The following GRB14 variants were observed in gnomAD, a reference collection of about 807,000 sequenced individuals.
The protein encoded by GRB14 is growth factor receptor-bound protein 14.
GRB14 carries 38 observed loss-of-function variants against 69.1 expected under a neutral mutation model. That is an observed-to-expected ratio of 0.55 (90% CI 0.42 to 0.72). GRB14 has a LOEUF of 0.72. GRB14 is among the 30% of genes least tolerant of loss of function. GRB14 has a pLI of 0.00. For synonymous variants in GRB14, 247 were observed against 241.3 expected (o/e 1.02, Z -0.22); for missense variants, 666 against 666.1 (o/e 1.00, Z 0.00).
chr2:164,559,669 T>G (rs1688771811), intron 2 of GRB14, among the ~76,000 whole-genome samples: 1 of 152,170 alleles, frequency 6.6e-6, no homozygotes, highest in Non-Finnish European at 1.5e-5. Flanking sequence ...ATATACCAGT[T>G]TGTTTACCCA....
chr2:164,527,088 A>G lies in GRB14; in HGVS notation c.529T>C (p.Trp177Arg). The G allele has an allele frequency of 6.3e-7, 1 of 1,579,426 alleles. No individual in the cohort carries two copies. The highest frequency in any genetic ancestry group is 8.7e-7 in the Non-Finnish European group (1 of 1,152,626). Residue 177 changes from tryptophan to arginine, a missense_variant, in exon 4 of 14, where the codon TGG becomes CGG. Coordinates refer to ENST00000263915, the MANE Select transcript of GRB14 (RefSeq NM_004490.3). Reference protein sequence around the residue: ...HELVIEVLSNWGIEEENKLYF... With the variant: ...HELVIEVLSNRGIEEENKLYF... ...AGTTTGTTTTCTTCTTCTATCCCCC[A>G]GTTGGATAGCACTTCAATCACCAGT...
At chr2:164,536,979 G>T (rs1688096020) in intron 3 of GRB14, among the ~76,000 whole-genome samples, 1 of 152,152 alleles carries the variant, frequency 6.6e-6, no homozygotes, top group South Asian at 2.1e-4. Context: ...TGCCCAAGGG[G>T]TGTATGAGTA....
chr2:164,574,095 C>T, intron 2 of GRB14: 2 of 785,242 alleles, frequency 2.5e-6, no homozygotes, highest in Non-Finnish European at 4.3e-6. Context: ...TTTACCAGCT[C>T]ATCATACTCT....
chr2:164,562,811 T>A (rs1043279739), intron 2 of GRB14, among the ~76,000 whole-genome samples: 3 of 151,988 alleles, frequency 2.0e-5, no homozygotes, highest in African/African-American at 7.3e-5. Context: ...CACTGGAGAG[T>A]GATGAAGCTG....
intron 2 of GRB14, among the ~76,000 whole-genome samples, chr2:164,610,942 G>A (rs1467127070): frequency 6.9e-6 from 1 of 144,820 alleles, no homozygotes; most frequent in East Asian, 2.0e-4. Context: ...TGGATGAGAT[G>A]ACCTTATACT....
intron 2 of GRB14, among the ~76,000 whole-genome samples, chr2:164,588,807 A>G (rs1027840629): frequency 2.0e-5 from 3 of 152,200 alleles, no homozygotes; most frequent in African/African-American, 7.2e-5. Flanking sequence ...TCTGGCATAA[A>G]TAGGAAGAAC....
chr2:164,509,711 C>T (rs1687287748), intron 6 of GRB14, among the ~76,000 whole-genome samples: 2 of 147,580 alleles, frequency 1.4e-5, no homozygotes, highest in Admixed American at 6.8e-5. Flanking sequence ...TTTCAGGGCT[C>T]ATCCCAGACC....
At chr2:164,554,712 TG>T (rs1688634793) in intron 2 of GRB14, among the ~76,000 whole-genome samples, 1 of 152,126 alleles carries the variant, frequency 6.6e-6, no homozygotes, top group Admixed American at 6.5e-5. Flanking sequence ...CTGCAGCCCT[TG>T]CAGGGATATG....
At position 164,525,649 on chromosome 2, in the gene GRB14, C is replaced by T. The variant is rs779570211; in HGVS notation, c.604-571G>A. Among the ~76,000 whole-genome samples the T allele has an allele frequency of 7.9e-5, 12 of 151,966 alleles. No individual in the cohort carries two copies. The South Asian group carries it at 1.9e-3, about 24-fold the overall frequency. Reference sequence around the variant, plus strand: ...CCTGGAGTTTCTGATTCAGTAGATCCGGGCAAGTCCTGGATTCTATGTTTT... The same window carrying T: ...CCTGGAGTTTCTGATTCAGTAGATCTGGGCAAGTCCTGGATTCTATGTTTT... On this transcript the variant is annotated intron_variant, in intron 4 of 13. Transcript: ENST00000263915.
intron 2 of GRB14, among the ~76,000 whole-genome samples, chr2:164,561,840 T>G (rs1688836841): frequency 6.6e-6 from 1 of 152,186 alleles, no homozygotes; most frequent in Non-Finnish European, 1.5e-5. Context: ...TTTATTGTTC[T>G]TTGTGAAGGG....
At chr2:164,511,963 T>C (rs546520069) in intron 6 of GRB14, among the ~76,000 whole-genome samples, 2 of 152,122 alleles carry the variant, frequency 1.3e-5, no homozygotes, top group East Asian at 3.9e-4. Context: ...TGAAGAGCCC[T>C]TGGGCCTTAG....
intron 2 of GRB14, among the ~76,000 whole-genome samples, chr2:164,585,630 T>A (rs898570183): frequency 3.3e-5 from 5 of 152,178 alleles, no homozygotes; most frequent in Admixed American, 3.3e-4. Flanking sequence ...GTCATGTTAA[T>A]CATGTCACAA....
At chr2:164,509,661 C>G (rs1687286453) in intron 6 of GRB14, among the ~76,000 whole-genome samples, 1 of 152,046 alleles carries the variant, frequency 6.6e-6, no homozygotes, top group Admixed American at 6.6e-5. Context: ...CTCAGACCAG[C>G]AGCATCAGTA....
At chr2:164,534,018 A>G (rs1688017808) in intron 3 of GRB14, among the ~76,000 whole-genome samples, 1 of 152,220 alleles carries the variant, frequency 6.6e-6, no homozygotes, top group Non-Finnish European at 1.5e-5. Flanking sequence ...CTTAAGAAAA[A>G]TACATCTTTT....
Position 164,497,092 on chromosome 2 carries a change from A to G in GRB14, c.1298T>C (p.Ile433Thr). The change falls in exon 12 of 14, where the codon ATC becomes ACC. Residue 433 changes from isoleucine to threonine, a missense_variant. Physicochemically the swap from Ile to Thr is moderately conservative, Grantham distance 89 (BLOSUM62 -1). Coordinates refer to ENST00000263915, the MANE Select transcript of GRB14 (RefSeq NM_004490.3). ...GTGAAACCATGGCTGGGACCGGTGG[A>G]TAGCTAAAGAAATAGGATGGATGAA... ...SSQSSATNMA[I>T]HRSQPWFHHK... 2 of 1,613,434 alleles carry G rather than the reference A, an allele frequency of 1.2e-6. No homozygotes were observed. The highest frequency in any genetic ancestry group is 1.7e-6 in the Non-Finnish European group (2 of 1,179,460).
chr2:164,531,262 A>G (rs908925080), intron 3 of GRB14, among the ~76,000 whole-genome samples: 4 of 152,224 alleles, frequency 2.6e-5, no homozygotes, highest in Non-Finnish European at 4.4e-5. Flanking sequence ...TACTTTTCAC[A>G]CAAACTCAGC....
chr2:164,600,177 C>A (rs568676888), intron 2 of GRB14, among the ~76,000 whole-genome samples: 1 of 152,132 alleles, frequency 6.6e-6, no homozygotes. Context: ...ATTTAAACAG[C>A]GCCCCCCTGT....
chr2:164,506,004 T>C (rs1030603155), intron 8 of GRB14, among the ~76,000 whole-genome samples: 5 of 152,316 alleles, frequency 3.3e-5, no homozygotes, highest in Admixed American at 1.3e-4. Context: ...GGGAGGAAGA[T>C]GGGTTAACAA....
chr2:164,542,108 C>A (rs1688255407), intron 3 of GRB14, among the ~76,000 whole-genome samples: 1 of 152,142 alleles, frequency 6.6e-6, no homozygotes, highest in African/African-American at 2.4e-5. Flanking sequence ...CAACAGAGAA[C>A]CCAGAAATAA....
Sources: gnomAD v4.1 joint callset for allele counts (sites outside exome capture counted in the v4.1 genomes callset) on GRCh38, gnomAD v4.1.1 for gene constraint, MANE v1.5 for transcripts, NCBI Gene and HGNC (gene_info 2026-07-23, HGNC 2026-07-21) for gene names.